MESP1: variants seen among roughly 807,000 people sequenced by gnomAD.
MESP1 encodes mesoderm posterior bHLH transcription factor 1, also known as mesoderm posterior protein 1.
In MESP1, 22 loss-of-function variants were observed where a neutral mutation model predicts 15.2. That is an observed-to-expected ratio of 1.45 (90% CI 1.04 to 2.07). The LOEUF (loss-of-function observed/expected upper bound fraction) is 2.07, where lower values mean the gene tolerates loss of function less well. Ranked by LOEUF, MESP1 falls within the 30% of genes most tolerant of loss-of-function variation. MESP1 has a pLI of 0.00. For synonymous variants in MESP1, 216 were observed against 192.6 expected (o/e 1.12, Z -1.01); for missense variants, 484 against 411.9 (o/e 1.17, Z -1.51).
the MESP1 span, among the ~76,000 whole-genome samples, chr15:89,736,205 C>G: frequency 6.6e-6 from 1 of 152,210 alleles, no homozygotes; most frequent in Admixed American, 6.5e-5. Flanking sequence ...TTCTTCACTA[C>G]CTGTGGCTGT....
chr15:89,750,849 A>T lies in MESP1; in HGVS notation c.383T>A (p.Leu128Gln). The change falls in exon 1 of 2, where the codon CTG becomes CAG. Residue 128 changes from leucine to glutamine, a missense_variant. Leu to Gln is a moderately radical substitution (Grantham distance 113). Transcript: ENST00000300057. ...CAGGTGGCCGATATAGCGGATAGCC[A>T]GGCGCAGCGTCTCGATCTTGGTCAG... Reference protein sequence around the residue: ...QSLTKIETLRLAIRYIGHLSA... With the variant: ...QSLTKIETLRQAIRYIGHLSA... The T allele has an allele frequency of 6.5e-7, 1 of 1,531,588 alleles. No individual in the cohort carries two copies. Among genetic ancestry groups the T allele is most frequent in the Non-Finnish European group, 8.7e-7 (1 of 1,144,342 alleles). The allele number at this position is 1,531,588 out of a possible 1,614,324, so 94.9% of individuals were successfully genotyped here.
At chr15:89,745,132 C>T (rs986328739), downstream of MESP1, among the ~76,000 whole-genome samples, 1 of 152,178 alleles carries the variant, frequency 6.6e-6, no homozygotes, top group Non-Finnish European at 1.5e-5. This position sits in a 1 kb window ranked among gnomAD's most constrained non-coding sequence, Gnocchi z 4.8. Flanking sequence ...CAGAGGCACC[C>T]GGCCCAGCAG....
chr15:89,737,785 T>C, the MESP1 span: 1 of 1,606,640 alleles, frequency 6.2e-7, no homozygotes, highest in Non-Finnish European at 8.5e-7. Context: ...CTTAGTTCTC[T>C]CACAAACAGA....
the MESP1 span, among the ~76,000 whole-genome samples, chr15:89,739,630 C>G: frequency 2.6e-5 from 4 of 152,162 alleles, no homozygotes; most frequent in African/African-American, 9.7e-5. Context: ...TGGGATCTGA[C>G]CACACATTTC....
At chr15:89,735,445 A>G in the MESP1 span, 4 of 1,596,758 alleles carry the variant, frequency 2.5e-6, no homozygotes, top group Non-Finnish European at 3.4e-6. Flanking sequence ...CAAAACTTTT[A>G]AACTCTTAAA....
Position 89,751,141 on chromosome 15 carries a change from C to G in MESP1, c.91G>C (p.Asp31His). 7.9e-7 allele frequency: 1 copy of G among 1,272,926 alleles called. No individual in the cohort carries two copies. Among genetic ancestry groups the G allele is most frequent in the South Asian group, 3.3e-5 (1 of 29,938 alleles). The allele number at this position is 1,272,926 out of a possible 1,614,324, so 78.9% of individuals were successfully genotyped here. A position where few individuals can be genotyped will look rare whatever the true frequency, so the allele number is the denominator to read the frequency against. ...GACGAGACGAGGGAGCGGCCGCAGTCCTTGTCGGAGGGCGGCGGCCGCCGA... is the reference window on the plus strand; with the variant it reads ...GACGAGACGAGGGAGCGGCCGCAGTGCTTGTCGGAGGGCGGCGGCCGCCGA... ...PTRRPPPSDKDCGRSLVSSPD... is the reference protein window; with the variant it reads ...PTRRPPPSDKHCGRSLVSSPD... Residue 31 changes from aspartate (D) to histidine (H), a missense_variant, in exon 1 of 2, where the codon GAC becomes CAC. Coordinates refer to ENST00000300057, the MANE Select transcript of MESP1 (RefSeq NM_018670.4).
chr15:89,740,060 C>A, the MESP1 span, among the ~76,000 whole-genome samples: 3 of 152,216 alleles, frequency 2.0e-5, no homozygotes, highest in Non-Finnish European at 4.4e-5. Context: ...AGATGCCAGG[C>A]TGTGTTCTGA....
chr15:89,737,453 GC>G, the MESP1 span: 99 of 1,338,468 alleles, frequency 7.4e-5, no homozygotes, highest in African/African-American at 9.3e-4. Context: ...AGAGGCTGGG[GC>G]CCAAGAGGTT....
chr15:89,737,160 G>A, the MESP1 span, among the ~76,000 whole-genome samples: 2 of 152,200 alleles, frequency 1.3e-5, no homozygotes, highest in Non-Finnish European at 1.5e-5. Flanking sequence ...AGGCAAGAGA[G>A]CATCCCCAGC....
Position 89,750,733 on chromosome 15 carries a change from G to C in MESP1, c.499C>G (p.Pro167Ala), listed in dbSNP as rs767947453. ...AGSPRGCPLCPDDCPAQMQTR... is the reference protein window; with the variant it reads ...AGSPRGCPLCADDCPAQMQTR... ...TGCATCTGCGCGGGGCAGTCGTCGG[G>C]GCACAGCGGGCAGCCCCGAGGGGAC... The change falls in exon 1 of 2, where the codon CCC (proline) becomes GCC (alanine). Residue 167 changes from proline to alanine, a missense_variant. Pro to Ala is a conservative substitution (Grantham distance 27). Transcript: ENST00000300057. 6.7e-5 allele frequency: 96 copies of C among 1,424,928 alleles called. No individual in the cohort carries two copies. The highest frequency in any genetic ancestry group is 2.5e-4 in the Admixed American group (9 of 35,332). 88.3% of individuals were successfully genotyped at this position (1,424,928 alleles called of 1,614,324 possible).
chr15:89,733,115 A>G, the MESP1 span: 3 of 1,614,234 alleles, frequency 1.9e-6, no homozygotes, highest in Non-Finnish European at 2.5e-6. Flanking sequence ...CTGAAGGTCA[A>G]GTGAAATCCC....
chr15:89,744,888 C>T (rs1967896543), downstream of MESP1, among the ~76,000 whole-genome samples: 1 of 152,210 alleles, frequency 6.6e-6, no homozygotes, highest in East Asian at 1.9e-4. Flanking sequence ...ACCACCCCTT[C>T]CCAATAGTGC....
At chr15:89,746,632 G>C (rs62646107), downstream of MESP1, among the ~76,000 whole-genome samples, 86,217 of 125,806 alleles carry the variant, frequency 0.69, 28,516 homozygotes, top group African/African-American at 0.83. Flanking sequence ...TCCACACACA[G>C]AGACACACAC....
At chr15:89,734,080 T>C in the MESP1 span, among the ~76,000 whole-genome samples, 7 of 152,274 alleles carry the variant, frequency 4.6e-5, no homozygotes, top group South Asian at 1.4e-3. Context: ...CCTGAAACCG[T>C]TGGAAATCGA....
At chr15:89,744,574 G>T in the MESP1 span, among the ~76,000 whole-genome samples, 7 of 152,342 alleles carry the variant, frequency 4.6e-5, no homozygotes, top group Admixed American at 4.6e-4. Flanking sequence ...AAACATAGAT[G>T]TTATTGTTAT....
At chr15:89,743,282 T>C in the MESP1 span, 1 of 1,614,038 alleles carries the variant, frequency 6.2e-7, no homozygotes, top group South Asian at 1.1e-5. Flanking sequence ...CACAGTTGTG[T>C]GGCCCTCAGC....
rs1178544202 is a variant in MESP1, at chr15:89,749,884, TAC to T, written c.*258_*259del. 4.1e-6 allele frequency: 2 copies of T among 490,460 alleles called. No homozygotes were observed. Among genetic ancestry groups the T allele is most frequent in the African/African-American group, 1.9e-5 (1 of 52,014 alleles). 30.4% of individuals were successfully genotyped at this position (490,460 alleles called of 1,614,324 possible). ...AGAAGAAATTGCCAACTGACACCAG[TAC>T]AGTTTATTCACAAATAAATAAATTC... On this transcript the variant is annotated 3_prime_UTR_variant, in exon 2 of 2. Transcript: ENST00000300057.
chr15:89,735,699 G>GA, the MESP1 span: 14 of 774,042 alleles, frequency 1.8e-5, no homozygotes, highest in South Asian at 1.6e-4. Flanking sequence ...AATAGAAAGA[G>GA]AAAGAACCTG....
Position 89,750,929 on chromosome 15 carries a change from G to A in MESP1, c.303C>T (p.Ala101=), listed in dbSNP as rs1308568256. Residue 101 remains alanine (A), a synonymous_variant, in exon 1 of 2, where the codon GCC becomes GCT. Coordinates refer to ENST00000300057, the MANE Select transcript of MESP1 (RefSeq NM_018670.4). Reference sequence around the variant, plus strand: ...GTAGAAAGCGGCGCAGCTCGTGCAGGGCGCGGGCCAGCGTGCGCATGCGCA... The same window carrying A: ...GTAGAAAGCGGCGCAGCTCGTGCAGAGCGCGGGCCAGCGTGCGCATGCGCA... The part of the protein sequence containing the change: ...EKLRMRTLAR[A]LHELRRFLPP... The A allele has an allele frequency of 2.0e-6, 3 of 1,466,254 alleles. No individual in the cohort carries two copies. Among genetic ancestry groups the A allele is most frequent in the Non-Finnish European group, 2.7e-6 (3 of 1,112,866 alleles). 90.8% of individuals were successfully genotyped at this position (1,466,254 alleles called of 1,614,324 possible). A position where few individuals can be genotyped will look rare whatever the true frequency, so the allele number is the denominator to read the frequency against.
Sources: allele counts gnomAD v4.1 joint callset (sites outside exome capture counted in the v4.1 genomes callset), GRCh38; gene constraint gnomAD v4.1.1; non-coding constraint Gnocchi (gnomAD v3.1); transcripts MANE v1.5; gene names NCBI Gene and HGNC (gene_info 2026-07-23, HGNC 2026-07-21).